Variants in LGSN observed in about 807,000 individuals in gnomAD.
LGSN encodes the protein lengsin.
In LGSN, 21 loss-of-function variants were observed where a neutral mutation model predicts 19.5. The observed-to-expected ratio is 1.07, with a 90% CI of 0.76 to 1.55. The LOEUF (loss-of-function observed/expected upper bound fraction) is 1.55, where lower values mean the gene tolerates loss of function less well. Ranked by LOEUF, LGSN falls within the 40% of genes most tolerant of loss-of-function variation. The pLI is 0.00. For synonymous variants in LGSN, 257 were observed against 215.6 expected, an observed-to-expected ratio of 1.19 and a Z score of -1.68; for missense variants, 673 against 608.5, an observed-to-expected ratio of 1.11 and a Z score of -1.12.
At chr6:63,391,366 A>G in the LGSN span, among the ~76,000 whole-genome samples, 1 of 152,252 alleles carries the variant, frequency 6.6e-6, no homozygotes, top group Non-Finnish European at 1.5e-5. Flanking sequence ...CATTCAGAAT[A>G]CACAATGTAG....
Position 63,318,551 on chromosome 6 carries a change from C to T in LGSN, c.30+1363G>A, listed in dbSNP as rs7752633. Among the ~76,000 whole-genome samples the T allele has an allele frequency of 2.9e-3, 446 of 152,290 alleles. 3 individuals are homozygous for T. Among genetic ancestry groups the T allele is most frequent in the African/African-American group, 0.01 (422 of 41,538 alleles). On this transcript the variant is annotated intron_variant, in intron 1 of 3. Transcript: ENST00000370657. ...TTTATTACATCTAGTAAATACAATG[C>T]TCTATTCCAACTTTGAGGGAACTTT...
chr6:63,373,449 G>A, the LGSN span, among the ~76,000 whole-genome samples: 2 of 152,028 alleles, frequency 1.3e-5, no homozygotes, highest in African/African-American at 2.4e-5. Context: ...TTCCTTACCC[G>A]CTTCTCCTCC....
chr6:63,350,190 G>A, the LGSN span, among the ~76,000 whole-genome samples: 1 of 152,200 alleles, frequency 6.6e-6, no homozygotes, highest in Non-Finnish European at 1.5e-5. Flanking sequence ...AAGCTTTTTA[G>A]TTAAGAAAAC....
chr6:63,336,209 G>A, the LGSN span, among the ~76,000 whole-genome samples: 35 of 152,174 alleles, frequency 2.3e-4, no homozygotes, highest in East Asian at 6.7e-3. Context: ...ACAATGTTTT[G>A]TATTTTTTTA....
At chr6:63,432,104 A>AGAAG in the LGSN span, among the ~76,000 whole-genome samples, 298 of 85,182 alleles carry the variant, frequency 3.5e-3, 2 homozygotes, top group Non-Finnish European at 5.5e-3. Context: ...AAAGAAAGAA[A>AGAAG]GAAAGAAAGA....
At chr6:63,481,606 A>T in the LGSN span, among the ~76,000 whole-genome samples, 1 of 152,018 alleles carries the variant, frequency 6.6e-6, no homozygotes, top group South Asian at 2.1e-4. Context: ...TCAGCCTCCC[A>T]AAGTGCTGGG....
At chr6:63,418,458 G>A in the LGSN span, among the ~76,000 whole-genome samples, 3 of 152,322 alleles carry the variant, frequency 2.0e-5, no homozygotes, top group South Asian at 6.2e-4. Flanking sequence ...CTACTTGGGA[G>A]GCTGAGGCAG....
Position 63,285,573 on chromosome 6 carries a change from T to G in LGSN, c.330+14A>C. Reference sequence around the variant, plus strand: ...TCATGAAATTACATTTAGTCACAACTGTGTAAAACTCACTTGAAAAAAGTG... The same window carrying G: ...TCATGAAATTACATTTAGTCACAACGGTGTAAAACTCACTTGAAAAAAGTG... On this transcript the variant is annotated intron_variant, in intron 3 of 3. Coordinates refer to ENST00000370657, the MANE Select transcript of LGSN (RefSeq NM_016571.3). 6.3e-7 allele frequency: 1 copy of G among 1,586,194 alleles called. No homozygotes were observed. The highest frequency in any genetic ancestry group is 8.6e-7 in the Non-Finnish European group (1 of 1,169,388).
At chr6:63,493,695 G>A in the LGSN span, among the ~76,000 whole-genome samples, 7 of 151,600 alleles carry the variant, frequency 4.6e-5, no homozygotes, top group Non-Finnish European at 1.0e-4. Flanking sequence ...TTCCTGGCCC[G>A]TTTATGTAAA....
At chr6:63,400,525 T>G in the LGSN span, among the ~76,000 whole-genome samples, 9 of 152,252 alleles carry the variant, frequency 5.9e-5, no homozygotes, top group Non-Finnish European at 1.0e-4. Context: ...CACGAACATA[T>G]TCATGCTCTA....
the LGSN span, among the ~76,000 whole-genome samples, chr6:63,487,059 T>C: frequency 3.3e-5 from 5 of 152,144 alleles, no homozygotes; most frequent in South Asian, 1.0e-3. Context: ...GGTCTCAAAC[T>C]CCTGACTTCA....
At chr6:63,286,075 A>G (rs1348513277) in intron 2 of LGSN, among the ~76,000 whole-genome samples, 1 of 152,212 alleles carries the variant, frequency 6.6e-6, no homozygotes, top group Non-Finnish European at 1.5e-5. Flanking sequence ...ACATATTTGC[A>G]TAAGTTCACA....
the LGSN span, among the ~76,000 whole-genome samples, chr6:63,432,088 G>GGAAGGAAAGAAAGAAAGAAA: frequency 2.2e-5 from 1 of 44,740 alleles, no homozygotes; most frequent in Admixed American, 3.8e-4. Context: ...AGAAAAAGAA[G>GGAAGGAAAGAAAGAAAGAAA]GAAAGAAAGA....
chr6:63,444,640 G>A, the LGSN span, among the ~76,000 whole-genome samples: 3 of 152,090 alleles, frequency 2.0e-5, no homozygotes, highest in Non-Finnish European at 4.4e-5. Flanking sequence ...ACTTCCCTAG[G>A]GACCTGAGAA....
the LGSN span, among the ~76,000 whole-genome samples, chr6:63,553,577 G>T: frequency 6.6e-6 from 1 of 152,178 alleles, no homozygotes; most frequent in South Asian, 2.1e-4. Context: ...GCCTTGCCTG[G>T]ACATTAGCAC....
At chr6:63,378,447 G>A in the LGSN span, among the ~76,000 whole-genome samples, 1 of 152,184 alleles carries the variant, frequency 6.6e-6, no homozygotes, top group Admixed American at 6.5e-5. Flanking sequence ...CTCAGGTATA[G>A]GCATGATATT....
At chr6:63,539,285 A>G in the LGSN span, among the ~76,000 whole-genome samples, 1 of 152,198 alleles carries the variant, frequency 6.6e-6, no homozygotes, top group Non-Finnish European at 1.5e-5. Context: ...AGAGATAAAG[A>G]GTAATTCAAT....
chr6:63,512,631 T>C, the LGSN span, among the ~76,000 whole-genome samples: 1 of 152,148 alleles, frequency 6.6e-6, no homozygotes, highest in South Asian at 2.1e-4. Context: ...ATGATTAGCT[T>C]AGATCAATTA....
At chr6:63,434,985 T>C in the LGSN span, among the ~76,000 whole-genome samples, 1 of 152,228 alleles carries the variant, frequency 6.6e-6, no homozygotes, top group African/African-American at 2.4e-5. Flanking sequence ...AGTTTTCACA[T>C]TCATTAGCTA....
Sources: allele counts gnomAD v4.1 joint callset (sites outside exome capture counted in the v4.1 genomes callset), GRCh38; gene constraint gnomAD v4.1.1; transcripts MANE v1.5; gene names NCBI Gene and HGNC (gene_info 2026-07-23, HGNC 2026-07-21).